Variants in CACNA2D3 observed in about 807,000 individuals in gnomAD.
CACNA2D3 encodes calcium voltage-gated channel auxiliary subunit alpha2delta 3.
A neutral mutation model predicts 160.6 loss-of-function variants in CACNA2D3; 60 were observed. The ratio of observed to expected loss-of-function variants is 0.37; its 90% CI spans 0.30 to 0.46. The LOEUF (loss-of-function observed/expected upper bound fraction) is 0.46. Among genes scored for constraint, CACNA2D3 ranks in the 20% least tolerant of loss-of-function variants. CACNA2D3 has a pLI of 1.00. For synonymous variants in CACNA2D3, 558 were observed against 492.9 expected (o/e 1.13, Z -1.75); for missense variants, 1,205 against 1,365.0 (o/e 0.88, Z 1.85).
chr3:54,519,787 C>T (rs937900565), intron 5 of CACNA2D3, among the ~76,000 whole-genome samples: 8 of 152,208 alleles, frequency 5.3e-5, no homozygotes, highest in African/African-American at 1.9e-4. Context: ...TTTATATTAG[C>T]TCAGCTGACA....
chr3:54,776,666 A>G (rs1057444578), intron 13 of CACNA2D3, among the ~76,000 whole-genome samples: 2 of 152,222 alleles, frequency 1.3e-5, no homozygotes, highest in Non-Finnish European at 2.9e-5. Context: ...AGGTTTCTGT[A>G]ACTTACAGCC....
In CACNA2D3 at chr3:55,073,627, T is replaced by TGGGGGGGAAATATTAGAGAA. The variant is rs1704869200; in HGVS notation, c.3100+75_3100+76insGGAAATATTAGAGAAGGGGG. The TGGGGGGGAAATATTAGAGAA allele has an allele frequency of 2.2e-6, 3 of 1,347,248 alleles. No homozygotes were observed. In the African/African-American group the frequency reaches 4.3e-5, roughly 19 times the overall value. 83.5% of individuals were successfully genotyped at this position (1,347,248 alleles called of 1,614,324 possible). On this transcript the variant is annotated intron_variant, in intron 36 of 37. Transcript: ENST00000474759. ...AAGGGGTATCAGTGGTAAGGAAACCTGGGGGAGAAATATTAGAGAAGGAAA... is the reference window on the plus strand; with the variant it reads ...AAGGGGTATCAGTGGTAAGGAAACCTGGGGGGGAAATATTAGAGAAGGGGGAGAAATATTAGAGAAGGAAA...
intron 2 of CACNA2D3, among the ~76,000 whole-genome samples, chr3:54,218,564 C>A (rs192551259): frequency 3.2e-4 from 49 of 152,324 alleles, no homozygotes; most frequent in African/African-American, 1.1e-3. Context: ...TATTAACCCC[C>A]CAACACATTT....
rs1397604250 is a variant in CACNA2D3, at chr3:54,634,158, T to A, written c.1053+6282T>A. On this transcript the variant is annotated intron_variant, in intron 10 of 37. Coordinates refer to ENST00000474759, the MANE Select transcript of CACNA2D3 (RefSeq NM_018398.3). Reference sequence around the variant, plus strand: ...CTTTATTACGTCTCTCATTCACCAGTGGCCAGCCAGCAAAGCCAAGAGTAG... The same window carrying A: ...CTTTATTACGTCTCTCATTCACCAGAGGCCAGCCAGCAAAGCCAAGAGTAG... Among the ~76,000 whole-genome samples the A allele has an allele frequency of 3.3e-5, 5 of 152,166 alleles. No homozygotes were observed. The East Asian group carries it at 9.6e-4, about 29-fold the overall frequency.
chr3:54,558,126 T>C (rs936521096), intron 5 of CACNA2D3, among the ~76,000 whole-genome samples: 1 of 152,244 alleles, frequency 6.6e-6, no homozygotes, highest in Non-Finnish European at 1.5e-5. Context: ...ACCTGACTTA[T>C]GTGACCATTT....
intron 4 of CACNA2D3, among the ~76,000 whole-genome samples, chr3:54,464,741 C>T (rs914180331): frequency 6.6e-6 from 1 of 152,224 alleles, no homozygotes; most frequent in Non-Finnish European, 1.5e-5. Context: ...TGAGGCAATG[C>T]CTCGCCGTGC....
chr3:54,755,913 ACTGT>A (rs1383700984), intron 12 of CACNA2D3, among the ~76,000 whole-genome samples: 3 of 152,218 alleles, frequency 2.0e-5, no homozygotes, highest in Admixed American at 2.0e-4. Flanking sequence ...TGTTTTTACC[ACTGT>A]CTGTGTCCAG....
intron 4 of CACNA2D3, among the ~76,000 whole-genome samples, chr3:54,454,926 TC>T (rs757278112): frequency 9.9e-5 from 15 of 152,180 alleles, no homozygotes; most frequent in Non-Finnish European, 1.8e-4. Context: ...TGACGGAATT[TC>T]TTTCTTATTT....
At chr3:54,227,465 T>G (rs1701693866) in intron 2 of CACNA2D3, among the ~76,000 whole-genome samples, 1 of 151,654 alleles carries the variant, frequency 6.6e-6, no homozygotes, top group South Asian at 2.1e-4. Context: ...TAAAATTTGG[T>G]TTTTTGGTAT....
rs1700286014 is a variant in CACNA2D3 at position 54,899,859 on chromosome 3, G to T, written c.2440G>T (p.Val814Leu). 6.3e-7 allele frequency: 1 copy of T among 1,596,812 alleles called. No homozygotes were observed. The highest frequency in any genetic ancestry group is 1.1e-5 in the South Asian group (1 of 87,806). ...IQLLDERKSP[V>L]VAAVGIQMKL... ...GCTCCTGGATGAACGGAAATCTCCT[G>T]TGGTGGCAGGTAAATAATTGATTGA... Residue 814 changes from valine to leucine, a missense_variant, in exon 27 of 38, where the codon GTG becomes TTG. Around this residue, in one of 3 missense-constraint regions of CACNA2D3, gnomAD observed 911 missense variants for 1,002.2 expected, o/e 0.91. Transcript: ENST00000474759.
chr3:54,428,025 T>C (rs1699934024), intron 4 of CACNA2D3, among the ~76,000 whole-genome samples: 1 of 152,172 alleles, frequency 6.6e-6, no homozygotes, highest in Non-Finnish European at 1.5e-5. Flanking sequence ...ACCCAAAACA[T>C]GTCAGGCAGA....
intron 13 of CACNA2D3, among the ~76,000 whole-genome samples, chr3:54,766,480 G>C: frequency 6.6e-6 from 1 of 152,164 alleles, no homozygotes; most frequent in African/African-American, 2.4e-5. Context: ...CTGTTGGTGA[G>C]GCTATGGGAA....
chr3:54,346,725 T>C (rs1472739183), intron 3 of CACNA2D3, among the ~76,000 whole-genome samples: 2 of 152,182 alleles, frequency 1.3e-5, no homozygotes, highest in Non-Finnish European at 2.9e-5. Flanking sequence ...TAGGGCTCAC[T>C]CTTTGTGTTG....
Position 55,004,786 on chromosome 3 carries a change from C to T in CACNA2D3, c.2714C>T (p.Ala905Val). Residue 905 changes from alanine (A) to valine (V), a missense_variant, in exon 32 of 38, where the codon GCC (alanine) becomes GTC (valine). Transcript: ENST00000474759. ...AGAATTACCCTTTATGACTACCAAG[C>T]CATGTGTAGAGCCAACAAGGAAAGC... The part of the protein sequence containing the change: ...FKRITLYDYQ[A>V]MCRANKESSD... The T allele has an allele frequency of 6.2e-7, 1 of 1,613,428 alleles. No homozygotes were observed. The highest frequency in any genetic ancestry group is 8.5e-7 in the Non-Finnish European group (1 of 1,179,390).
chr3:54,306,644 A>C (rs1042085662), intron 2 of CACNA2D3, among the ~76,000 whole-genome samples: 6 of 152,106 alleles, frequency 3.9e-5, no homozygotes, highest in African/African-American at 1.4e-4. Context: ...TCTGTCCCTT[A>C]TTGGCCCTGG....
At chr3:54,374,419 T>G (rs1453717861) in intron 3 of CACNA2D3, among the ~76,000 whole-genome samples, 3 of 152,252 alleles carry the variant, frequency 2.0e-5, no homozygotes. Flanking sequence ...GAGCATGTGG[T>G]GGTAGGCCTC....
intron 9 of CACNA2D3, among the ~76,000 whole-genome samples, chr3:54,597,154 A>ACCTTCTTTCATTAGGGTGAGG (rs1702970467): frequency 6.6e-6 from 1 of 152,160 alleles, no homozygotes; most frequent in Non-Finnish European, 1.5e-5. Context: ...ATAAAATCTA[A>ACCTTCTTTCATTAGGGTGAGG]CCTTCTTTCA....
At chr3:54,996,738 G>A (rs1702866861) in intron 31 of CACNA2D3, among the ~76,000 whole-genome samples, 1 of 152,142 alleles carries the variant, frequency 6.6e-6, no homozygotes, top group African/African-American at 2.4e-5. Flanking sequence ...TAAGCCCTGG[G>A]AGGATGCGTC....
rs185400820 is a variant in CACNA2D3, at chr3:55,030,860, G to A, written c.2987+12543G>A. Among the ~76,000 whole-genome samples, 172 of 152,274 alleles carry A rather than the reference G, an allele frequency of 1.1e-3. 1 individual carries two copies. The highest frequency in any genetic ancestry group is 1.3e-3 in the Non-Finnish European group (86 of 68,022). On this transcript the variant is annotated intron_variant, in intron 35 of 37. Coordinates refer to ENST00000474759, the MANE Select transcript of CACNA2D3 (RefSeq NM_018398.3). ...GATAAGCAGTGTTTGGAGGGTTTTA[G>A]TACAGGAAATGTTATAAATTACTGT...
Sources: allele counts gnomAD v4.1 joint callset (sites outside exome capture counted in the v4.1 genomes callset), GRCh38; gene constraint gnomAD v4.1.1; regional missense constraint gnomAD v4.1.1; transcripts MANE v1.5; gene names NCBI Gene and HGNC (gene_info 2026-07-23, HGNC 2026-07-21).